NAALADL2: variants seen among roughly 807,000 people sequenced by gnomAD.
NAALADL2 encodes the protein N-acetylated alpha-linked acidic dipeptidase like 2.
In NAALADL2, 76 loss-of-function variants were observed where a neutral mutation model predicts 87.2. The ratio of observed to expected loss-of-function variants is 0.87; its 90% CI spans 0.72 to 1.05. The LOEUF is 1.05. Ranked by LOEUF, NAALADL2 falls within the 50% of genes least tolerant of loss-of-function variation. The pLI, the probability that NAALADL2 is intolerant of heterozygous loss-of-function variation, is 0.00. For synonymous variants in NAALADL2, 354 were observed against 331.0 expected (o/e 1.07, Z -0.75); for missense variants, 1,089 against 945.8 (o/e 1.15, Z -1.99).
rs967001853 is a variant in NAALADL2, at chr3:174,483,400, G to A, written c.-184+42368G>A. 5.9e-5 allele frequency among the ~76,000 whole-genome samples: 9 copies of A among 151,914 alleles called. No homozygotes were observed. In the East Asian group the frequency reaches 1.4e-3, roughly 23 times the overall value. ...GTCCCTTATAAGACCATCACATCTC[G>A]TGAGAATTCACTATTATGAGAACAG... On this transcript the variant is annotated intron_variant, in intron 1 of 3. Transcript: ENST00000434257.
At chr3:174,657,439 G>A (rs545766317) in intron 2 of NAALADL2, among the ~76,000 whole-genome samples, 1 of 152,120 alleles carries the variant, frequency 6.6e-6, no homozygotes, top group African/African-American at 2.4e-5. Context: ...CTACAGGCAT[G>A]AGCGACCCTG....
At chr3:174,580,117 GA>G (rs2108557249) in intron 2 of NAALADL2, among the ~76,000 whole-genome samples, 1 of 151,878 alleles carries the variant, frequency 6.6e-6, no homozygotes, top group South Asian at 2.1e-4. Context: ...AAAAAATAAG[GA>G]AAAATGTGTA....
chr3:175,623,427 T>C (rs188278240), intron 10 of NAALADL2, among the ~76,000 whole-genome samples: 19 of 152,252 alleles, frequency 1.2e-4, no homozygotes, highest in African/African-American at 4.3e-4. Context: ...TTCCAAGCTT[T>C]AGTTCAGAAA....
At chr3:174,681,763 A>C (rs1727559930) in intron 2 of NAALADL2, among the ~76,000 whole-genome samples, 2 of 152,150 alleles carry the variant, frequency 1.3e-5, no homozygotes, top group Non-Finnish European at 2.9e-5. Context: ...AGCAGAGGGA[A>C]ATGTGAATAG....
At chr3:174,602,884 C>T (rs924985333) in intron 2 of NAALADL2, among the ~76,000 whole-genome samples, 2 of 151,972 alleles carry the variant, frequency 1.3e-5, no homozygotes, top group African/African-American at 2.4e-5. Flanking sequence ...TTGAAATGAT[C>T]ATATGGTTTT....
intron 5 of NAALADL2, among the ~76,000 whole-genome samples, chr3:175,356,677 T>C (rs1764415957): frequency 6.6e-6 from 1 of 151,630 alleles, no homozygotes; most frequent in Non-Finnish European, 1.5e-5. Context: ...ATGAAGAAGT[T>C]CTTGAGAGTT....
intron 1 of NAALADL2, among the ~76,000 whole-genome samples, chr3:174,996,996 GTGTGTGT>G (rs1560456925): frequency 0.025 from 289 of 11,722 alleles, 1 homozygote; most frequent in African/African-American, 0.044. Flanking sequence ...TCCAAGGGGT[GTGTGTGT>G]GTGTGTGTGT....
At chr3:174,801,599 GT>G (rs1718839310) in intron 3 of NAALADL2, among the ~76,000 whole-genome samples, 1 of 152,194 alleles carries the variant, frequency 6.6e-6, no homozygotes, top group South Asian at 2.1e-4. Flanking sequence ...ATAATAGCTT[GT>G]TTTATTCATA....
At chr3:174,695,611 G>T (rs974382087) in intron 2 of NAALADL2, among the ~76,000 whole-genome samples, 1 of 151,988 alleles carries the variant, frequency 6.6e-6, no homozygotes, top group Non-Finnish European at 1.5e-5. Flanking sequence ...ATATTAAAGA[G>T]TATATTATTG....
intron 3 of NAALADL2, chr3:174,737,891 T>G (rs1733368094): frequency 6.6e-6 from 1 of 152,204 alleles, no homozygotes; most frequent in Admixed American, 6.5e-5. Flanking sequence ...GTGGCAAAAT[T>G]TTATGTATTC....
intron 1 of NAALADL2, among the ~76,000 whole-genome samples, chr3:174,988,474 A>T (rs1746274828): frequency 6.6e-6 from 1 of 152,222 alleles, no homozygotes; most frequent in African/African-American, 2.4e-5. Flanking sequence ...TAAAATAATC[A>T]TTCAGCCAAT....
intron 11 of NAALADL2, among the ~76,000 whole-genome samples, chr3:175,673,771 G>C (rs990333633): frequency 3.3e-5 from 5 of 151,188 alleles, no homozygotes; most frequent in Admixed American, 2.0e-4. Context: ...TCAACCCAAA[G>C]GAATATAAAG....
chr3:174,833,485 T>C (rs1318700178), intron 3 of NAALADL2, among the ~76,000 whole-genome samples: 1 of 152,104 alleles, frequency 6.6e-6, no homozygotes, highest in Non-Finnish European at 1.5e-5. Context: ...CATTTAAGGA[T>C]GAAATATCAG....
At chr3:175,164,113 C>G (rs1733633108) in intron 2 of NAALADL2, among the ~76,000 whole-genome samples, 2 of 151,946 alleles carry the variant, frequency 1.3e-5, no homozygotes, top group African/African-American at 4.8e-5. Context: ...ATAATAAGTT[C>G]AATTCCAAGA....
intron 9 of NAALADL2, among the ~76,000 whole-genome samples, chr3:175,517,935 C>G (rs1431055557): frequency 1.3e-5 from 2 of 152,090 alleles, no homozygotes; most frequent in Admixed American, 1.3e-4. Flanking sequence ...AGGCTGGCCA[C>G]CCCACCCTAA....
chr3:175,529,609 T>C (rs1733844281), intron 9 of NAALADL2, among the ~76,000 whole-genome samples: 1 of 152,106 alleles, frequency 6.6e-6, no homozygotes, highest in South Asian at 2.1e-4. Flanking sequence ...AATTGTAATT[T>C]CAAAAGGCCA....
At chr3:174,742,296 A>G (rs958130046) in intron 3 of NAALADL2, among the ~76,000 whole-genome samples, 2 of 151,714 alleles carry the variant, frequency 1.3e-5, no homozygotes, top group Non-Finnish European at 3.0e-5. Flanking sequence ...AGTGGGGGAT[A>G]CAAAAACATT....
chr3:175,198,393 A>G (rs1477668739), intron 2 of NAALADL2, among the ~76,000 whole-genome samples: 1 of 152,112 alleles, frequency 6.6e-6, no homozygotes, highest in Non-Finnish European at 1.5e-5. Flanking sequence ...ATGAATGTCT[A>G]TTCTACACAT....
At chr3:175,348,897 G>T (rs1282989251) in intron 5 of NAALADL2, among the ~76,000 whole-genome samples, 1 of 152,080 alleles carries the variant, frequency 6.6e-6, no homozygotes, top group East Asian at 1.9e-4. Flanking sequence ...CATGATTACA[G>T]AATAACCGTT....
Sources: allele counts gnomAD v4.1 joint callset (sites outside exome capture counted in the v4.1 genomes callset), GRCh38; gene constraint gnomAD v4.1.1; transcripts MANE v1.5; gene names NCBI Gene and HGNC (gene_info 2026-07-23, HGNC 2026-07-21).